Variants in LUZP2 observed in about 807,000 individuals in gnomAD.
The protein encoded by LUZP2 is leucine zipper protein 2.
LUZP2 carries 52 observed loss-of-function variants against 51.6 expected under a neutral mutation model. The observed-to-expected ratio is 1.01, with a 90% CI of 0.81 to 1.27. The LOEUF (loss-of-function observed/expected upper bound fraction) is 1.27. LUZP2 is among the 50% of genes most tolerant of loss of function. The pLI is 0.00. For synonymous variants in LUZP2, 154 were observed against 137.3 expected (o/e 1.12, Z -0.85); for missense variants, 436 against 395.4 (o/e 1.10, Z -0.87).
At chr11:24,499,042 A>G (rs192086416) in intron 1 of LUZP2, among the ~76,000 whole-genome samples, 2 of 152,334 alleles carry the variant, frequency 1.3e-5, no homozygotes, top group Admixed American at 6.5e-5. Context: ...TCCTTTCATG[A>G]AAGTGTTGAT....
chr11:24,865,471 G>C (rs984549297), intron 5 of LUZP2, among the ~76,000 whole-genome samples: 1 of 152,124 alleles, frequency 6.6e-6, no homozygotes, highest in Non-Finnish European at 1.5e-5. Flanking sequence ...AAGAGGCCAA[G>C]TTTTTTGCTG....
chr11:24,815,781 A>G (rs1318931948), intron 5 of LUZP2, among the ~76,000 whole-genome samples: 1 of 152,124 alleles, frequency 6.6e-6, no homozygotes, highest in Non-Finnish European at 1.5e-5. Context: ...TCATTAAAGT[A>G]GCTTGTCAAA....
intron 7 of LUZP2, among the ~76,000 whole-genome samples, chr11:24,973,778 T>A (rs191337174): frequency 6.6e-6 from 1 of 152,250 alleles, no homozygotes; most frequent in Admixed American, 6.5e-5. Flanking sequence ...CTGATTTGAT[T>A]GTGCTGTGGT....
intron 3 of LUZP2, among the ~76,000 whole-genome samples, chr11:24,732,899 T>G (rs1250224703): frequency 6.6e-6 from 1 of 151,744 alleles, no homozygotes; most frequent in Non-Finnish European, 1.5e-5. Context: ...GGCAAATTGT[T>G]GCTCAGAGTG....
chr11:24,873,127 T>G (rs1460866120), intron 5 of LUZP2, among the ~76,000 whole-genome samples: 1 of 152,174 alleles, frequency 6.6e-6, no homozygotes, highest in African/African-American at 2.4e-5. Context: ...CAGACTCTAA[T>G]GCTTTCAAAC....
intron 5 of LUZP2, among the ~76,000 whole-genome samples, chr11:24,809,938 C>T (rs1391500249): frequency 9.9e-5 from 15 of 152,096 alleles, no homozygotes; most frequent in Admixed American, 7.9e-4. Flanking sequence ...GGAAATATAG[C>T]TATTAAATAA....
chr11:24,768,764 A>G (rs1860289727), intron 5 of LUZP2, among the ~76,000 whole-genome samples: 1 of 107,944 alleles, frequency 9.3e-6, no homozygotes, highest in African/African-American at 3.0e-5. Context: ...AATGCTGGCA[A>G]GGATGTGGAG....
At chr11:25,000,351 C>A (rs1399059302) in intron 9 of LUZP2, among the ~76,000 whole-genome samples, 1 of 152,150 alleles carries the variant, frequency 6.6e-6, no homozygotes, top group African/African-American at 2.4e-5. Context: ...GCTCTAGCTA[C>A]TTCCTGCTGG....
intron 1 of LUZP2, among the ~76,000 whole-genome samples, chr11:24,631,628 C>T (rs1196001571): frequency 6.6e-6 from 1 of 151,766 alleles, no homozygotes; most frequent in Non-Finnish European, 1.5e-5. Flanking sequence ...ATTTTCACAC[C>T]TGTGTTTATC....
intron 1 of LUZP2, among the ~76,000 whole-genome samples, chr11:24,684,885 TC>T (rs1171739443): frequency 6.6e-6 from 1 of 152,180 alleles, no homozygotes; most frequent in Non-Finnish European, 1.5e-5. Context: ...CAATAGTTAT[TC>T]TTAAAAGTTA....
At chr11:24,521,015 T>A (rs528490340) in intron 1 of LUZP2, among the ~76,000 whole-genome samples, 74 of 152,318 alleles carry the variant, frequency 4.9e-4, no homozygotes, top group Middle Eastern at 3.4e-3. Context: ...ACTTTAATAT[T>A]TCTGTGAATG....
chr11:25,001,484 C>T (rs978906367), intron 9 of LUZP2, among the ~76,000 whole-genome samples: 2 of 152,192 alleles, frequency 1.3e-5, no homozygotes, highest in African/African-American at 4.8e-5. Flanking sequence ...AGGAAACCTG[C>T]TGGGTTAAGG....
intron 5 of LUZP2, among the ~76,000 whole-genome samples, chr11:24,870,184 C>T (rs10834517): frequency 0.15 from 22,376 of 152,002 alleles, 1,730 homozygotes; most frequent in African/African-American, 0.17. Context: ...TTTGAGCTAT[C>T]GGGGTGAGTT....
intron 1 of LUZP2, among the ~76,000 whole-genome samples, chr11:24,519,349 C>A (rs2133796226): frequency 6.6e-6 from 1 of 152,098 alleles, no homozygotes. Context: ...ATACAGCAGG[C>A]CATCTGGAAC....
chr11:24,500,831 T>G (rs1206360847), intron 1 of LUZP2, among the ~76,000 whole-genome samples: 1 of 152,166 alleles, frequency 6.6e-6, no homozygotes, highest in Non-Finnish European at 1.5e-5. Context: ...GACTGTCTGA[T>G]CAGCAGTCAC....
At chr11:24,908,481 C>T (rs931905349) in intron 6 of LUZP2, among the ~76,000 whole-genome samples, 2 of 152,070 alleles carry the variant, frequency 1.3e-5, no homozygotes, top group African/African-American at 4.8e-5. Flanking sequence ...TTTAATTTTG[C>T]CGTGAAATCT....
chr11:24,544,164 A>G (rs1038271036), intron 1 of LUZP2, among the ~76,000 whole-genome samples: 14 of 152,068 alleles, frequency 9.2e-5, no homozygotes, highest in Admixed American at 8.5e-4. Context: ...GGGGTGATGC[A>G]GGAGTGTACA....
At chr11:24,506,568 T>C (rs1309057980) in intron 1 of LUZP2, among the ~76,000 whole-genome samples, 4 of 152,090 alleles carry the variant, frequency 2.6e-5, no homozygotes. Context: ...TTGAAGTATA[T>C]CAAATCCCTT....
intron 1 of LUZP2, among the ~76,000 whole-genome samples, chr11:24,659,186 G>A (rs1348092013): frequency 1.3e-5 from 2 of 152,136 alleles, no homozygotes; most frequent in Non-Finnish European, 2.9e-5. Flanking sequence ...GTCCATCAAT[G>A]ATAAACTGGA....
Sources: gnomAD v4.1 joint callset for allele counts (sites outside exome capture counted in the v4.1 genomes callset) on GRCh38, gnomAD v4.1.1 for gene constraint, MANE v1.5 for transcripts, NCBI Gene and HGNC (gene_info 2026-07-23, HGNC 2026-07-21) for gene names.